CPEB3: variants seen among roughly 807,000 people sequenced by gnomAD.
CPEB3 encodes cytoplasmic polyadenylation element binding protein 3, also known as cytoplasmic polyadenylation element-binding protein 3.
Under a neutral mutation model 67.2 loss-of-function variants are expected in CPEB3, and 20 were observed. That is an observed-to-expected ratio of 0.30 (90% confidence interval 0.21 to 0.43). The LOEUF (loss-of-function observed/expected upper bound fraction) is 0.43. CPEB3 is among the 20% of genes least tolerant of loss of function. The pLI is 1.00. For missense variants in CPEB3, 746 were observed against 968.6 expected, an observed-to-expected ratio of 0.77 and a Z score of 3.05; for synonymous variants, 376 against 393.1, an observed-to-expected ratio of 0.96 and a Z score of 0.51.
At chr10:92,094,150 C>T (rs1056376357) in intron 7 of CPEB3, among the ~76,000 whole-genome samples, 46 of 152,152 alleles carry the variant, frequency 3.0e-4, no homozygotes, top group African/African-American at 1.1e-3. Flanking sequence ...CCACTGTGCC[C>T]GGCCACTTTT....
chr10:92,114,016 C>T (rs1844878188), intron 6 of CPEB3, among the ~76,000 whole-genome samples: 1 of 152,182 alleles, frequency 6.6e-6, no homozygotes, highest in Non-Finnish European at 1.5e-5. Flanking sequence ...AAACAATTAT[C>T]TTTACTCTGA....
chr10:92,194,648 T>C (rs1244958891), intron 2 of CPEB3, among the ~76,000 whole-genome samples: 1 of 152,026 alleles, frequency 6.6e-6, no homozygotes, highest in Non-Finnish European at 1.5e-5. Flanking sequence ...AAGAAAAAAG[T>C]ATTATTTCAC....
chr10:92,115,452 G>A lies in CPEB3; in HGVS notation c.1454-4258C>T, dbSNP rs187892225. Among the ~76,000 whole-genome samples the A allele has an allele frequency of 5.3e-5, 8 of 152,288 alleles. No homozygotes were observed. The East Asian group carries it at 9.6e-4, about 18-fold the overall frequency. On this transcript the variant is annotated intron_variant, in intron 6 of 9. Transcript: ENST00000265997. ...CAGGCGTAAGCCACTGCACCTGGCC[G>A]GGACTTAGATTTATATTCCCTGAAG...
At chr10:92,128,472 G>A (rs910639283) in intron 6 of CPEB3, among the ~76,000 whole-genome samples, 7 of 152,114 alleles carry the variant, frequency 4.6e-5, no homozygotes, top group Admixed American at 4.6e-4. Flanking sequence ...TCCTTGAAAG[G>A]TGGCCTCTTT....
At position 92,239,380 on chromosome 10, in the gene CPEB3, C is replaced by G. The variant is rs1851698662; in HGVS notation, c.971G>C (p.Arg324Pro). ...CAACAGATTGTTACCATTATCGGTC[C>G]GGAAAGCGTTATCCTCCATCCAGGA... Reference protein sequence around the residue: ...SKSWMEDNAFRTDNGNNLLPF... With the variant: ...SKSWMEDNAFPTDNGNNLLPF... Residue 324 changes from arginine (R) to proline (P), a missense_variant, in exon 2 of 10, where the codon CGG (arginine) becomes CCG (proline). By Grantham distance (103) the Arg-to-Pro change is moderately radical. Coordinates refer to ENST00000265997, the MANE Select transcript of CPEB3 (RefSeq NM_014912.5). This position sits in a 1 kb window ranked among gnomAD's most constrained non-coding sequence, Gnocchi z 6.0. 1.2e-6 allele frequency: 2 copies of G among 1,606,378 alleles called. No individual in the cohort carries two copies. Among genetic ancestry groups the G allele is most frequent in the Admixed American group, 3.4e-5 (2 of 59,016 alleles).
intron 1 of CPEB3, among the ~76,000 whole-genome samples, chr10:92,242,700 G>T (rs1269341909): frequency 6.6e-6 from 1 of 152,040 alleles, no homozygotes; most frequent in Non-Finnish European, 1.5e-5. Context: ...AATTAATGCT[G>T]TACCTCAGCA....
intron 2 of CPEB3, among the ~76,000 whole-genome samples, chr10:92,212,406 G>T (rs1308893799): frequency 2.0e-5 from 3 of 149,408 alleles, no homozygotes; most frequent in Non-Finnish European, 4.5e-5. Flanking sequence ...ACTCACCACT[G>T]CCCAGCTAAT....
Position 92,206,943 on chromosome 10 carries a change from A to G in CPEB3, c.1006-14307T>C, listed in dbSNP as rs977520330. 3.3e-5 allele frequency among the ~76,000 whole-genome samples: 5 copies of G among 152,230 alleles called. 1 individual carries two copies. In the South Asian group the frequency reaches 8.3e-4, roughly 25 times the overall value. On this transcript the variant is annotated intron_variant, in intron 2 of 9. Transcript: ENST00000265997. ...GCTTTCCTTTGTTATTGTGGAATTC[A>G]GCTTAATGAATAAGAAACAATATGA...
intron 1 of CPEB3, among the ~76,000 whole-genome samples, chr10:92,272,920 G>C (rs145992294): frequency 6.6e-6 from 1 of 152,138 alleles, no homozygotes; most frequent in South Asian, 2.1e-4. Flanking sequence ...CAAATCAGTC[G>C]GAAAGAGGTG....
chr10:92,224,855 A>G (rs556334163), intron 2 of CPEB3, among the ~76,000 whole-genome samples: 116 of 148,442 alleles, frequency 7.8e-4, no homozygotes, highest in Non-Finnish European at 1.4e-3. Context: ...CTTCTTAAAA[A>G]AAACTATATA....
chr10:92,054,827 A>G (rs1842052908), intron 9 of CPEB3, among the ~76,000 whole-genome samples: 1 of 152,212 alleles, frequency 6.6e-6, no homozygotes, highest in Non-Finnish European at 1.5e-5. Context: ...CCACAGTTGG[A>G]TATTGTTCCT....
At position 92,166,126 on chromosome 10, in the gene CPEB3, T is replaced by G. The variant is rs79785595; in HGVS notation, c.1222+14837A>C. ...TATTTCTTTTTCTTTTTTTTTTTTT[T>G]GAGACAGAGTTTCACTCTGTCGCCC... On this transcript the variant is annotated intron_variant, in intron 4 of 9. Transcript: ENST00000265997. Among the ~76,000 whole-genome samples, 14 of 151,740 alleles carry G rather than the reference T, an allele frequency of 9.2e-5. No homozygotes were observed. The East Asian group carries it at 2.5e-3, about 27-fold the overall frequency.
intron 1 of CPEB3, among the ~76,000 whole-genome samples, chr10:92,289,718 C>CAAAA (rs749285662): frequency 1.2e-3 from 37 of 30,946 alleles, no homozygotes; most frequent in African/African-American, 5.6e-3. Context: ...GCGTCTCTAC[C>CAAAA]AAAAAAAAAA....
intron 4 of CPEB3, among the ~76,000 whole-genome samples, chr10:92,163,867 C>T (rs1590277451): frequency 6.6e-6 from 1 of 152,174 alleles, no homozygotes; most frequent in Non-Finnish European, 1.5e-5. Flanking sequence ...TCATCTGCTA[C>T]ATTCACATTA....
intron 6 of CPEB3, among the ~76,000 whole-genome samples, chr10:92,132,462 C>T (rs1845887531): frequency 6.6e-6 from 1 of 152,068 alleles, no homozygotes; most frequent in African/African-American, 2.4e-5. Context: ...TTCTTATTGT[C>T]TTGCAGCGGG....
At chr10:92,219,533 G>T (rs868714873) in intron 2 of CPEB3, among the ~76,000 whole-genome samples, 11 of 152,086 alleles carry the variant, frequency 7.2e-5, no homozygotes, top group Non-Finnish European at 8.8e-5. Flanking sequence ...TTGAATTTTT[G>T]ACCTTAAGCT....
chr10:92,161,714 G>C (rs536910654), intron 4 of CPEB3, among the ~76,000 whole-genome samples: 10 of 152,338 alleles, frequency 6.6e-5, no homozygotes, highest in African/African-American at 2.4e-4. Context: ...GCCCAGGCTG[G>C]AGTGCAGTGG....
intron 1 of CPEB3, among the ~76,000 whole-genome samples, chr10:92,274,719 T>C (rs1841897529): frequency 6.6e-6 from 1 of 152,140 alleles, no homozygotes; most frequent in South Asian, 2.1e-4. Context: ...TGCACGCCTA[T>C]AATCCCAGCT....
At chr10:92,059,281 T>G (rs1262829824) in intron 9 of CPEB3, among the ~76,000 whole-genome samples, 1 of 137,382 alleles carries the variant, frequency 7.3e-6, no homozygotes, top group Admixed American at 8.1e-5. Context: ...GCCGAGATAT[T>G]GCGCCATTGC....
Sources: allele counts gnomAD v4.1 joint callset (sites outside exome capture counted in the v4.1 genomes callset), GRCh38; gene constraint gnomAD v4.1.1; non-coding constraint Gnocchi (gnomAD v3.1); transcripts MANE v1.5; gene names NCBI Gene and HGNC (gene_info 2026-07-23, HGNC 2026-07-21).